The following MICAL3 variants were observed in gnomAD, a reference collection of about 807,000 sequenced individuals.
The protein encoded by MICAL3 is microtubule associated monooxygenase, calponin and LIM domain containing 3.
In MICAL3, 62 loss-of-function variants were observed where a neutral mutation model predicts 207.4. The observed-to-expected ratio is 0.30, with a 90% confidence interval of 0.24 to 0.37. The LOEUF is 0.37. Ranked by LOEUF, MICAL3 falls within the 10% of genes least tolerant of loss-of-function variation. MICAL3 has a pLI of 1.00. For missense variants in MICAL3, 2,368 were observed against 2,635.6 expected, an observed-to-expected ratio of 0.90 and a Z score of 2.22; for synonymous variants, 1,077 against 1,069.3, an observed-to-expected ratio of 1.01 and a Z score of -0.14.
chr22:17,875,791 G>T (rs1928269645), intron 16 of MICAL3, among the ~76,000 whole-genome samples: 1 of 151,824 alleles, frequency 6.6e-6, no homozygotes, highest in East Asian at 1.9e-4. Flanking sequence ...AGCACACCCT[G>T]GAACGCGGTC....
At chr22:17,879,354 G>A in intron 16 of MICAL3, 2 of 1,610,438 alleles carry the variant, frequency 1.2e-6, no homozygotes. Context: ...ACCCTCTCAT[G>A]GTGGGGGCTC....
rs759042299 is a variant in MICAL3, at chr22:17,832,058, G to GCTC, written c.2848_2850dup (p.Glu950dup). 5.6e-6 allele frequency: 9 copies of GCTC among 1,593,976 alleles called. No homozygotes were observed. Among genetic ancestry groups the GCTC allele is most frequent in the African/African-American group, 2.7e-5 (2 of 74,006 alleles). ...CCCAGGTCAGATGGGGGCAGGCGAG[G>GCTC]CTCCTCCTCCTCCTCCTCTCCCTCC... On this transcript the variant is annotated inframe_insertion, in exon 21 of 32. Transcript: ENST00000441493.
intron 22 of MICAL3, among the ~76,000 whole-genome samples, chr22:17,825,920 A>G (rs1415625909): frequency 6.6e-6 from 1 of 152,186 alleles, no homozygotes; most frequent in Non-Finnish European, 1.5e-5. Context: ...AGACGCCTGC[A>G]GCTCGGGCTG....
chr22:17,834,434 A>C lies in MICAL3; in HGVS notation c.2802-2327T>G, dbSNP rs1323653442. The C allele has an allele frequency of 2.3e-6, 3 of 1,286,144 alleles. No homozygotes were observed. In the Admixed American group the frequency reaches 7.0e-5, roughly 30 times the overall value. The allele number at this position is 1,286,144 out of a possible 1,614,324, so 79.7% of individuals were successfully genotyped here. On this transcript the variant is annotated intron_variant, in intron 20 of 31. Transcript: ENST00000441493. ...TGACACAGAAAAGACTCTTATGCTCAGCTGGGCCCAGTAGCTCACATCTGT... is the reference window on the plus strand; with the variant it reads ...TGACACAGAAAAGACTCTTATGCTCCGCTGGGCCCAGTAGCTCACATCTGT...
At position 17,790,631 on chromosome 22, in the gene MICAL3, C is replaced by T. The variant is rs2061815818; in HGVS notation, c.*101G>A. 3.6e-6 allele frequency: 4 copies of T among 1,114,490 alleles called. No homozygotes were observed. The African/African-American group carries it at 4.7e-5, about 13-fold the overall frequency. The allele number at this position is 1,114,490 out of a possible 1,614,324, so 69.0% of individuals were successfully genotyped here. A position where few individuals can be genotyped will look rare whatever the true frequency, so the allele number is the denominator to read the frequency against. ...CACACGGGCATCTGAGCGTAAACTC[C>T]AAGGAGGTGCCAGGCCTCCTCAGAT... On this transcript the variant is annotated 3_prime_UTR_variant, in exon 32 of 32. Transcript: ENST00000441493.
At chr22:17,953,194 A>G (rs1234630924) in intron 1 of MICAL3, among the ~76,000 whole-genome samples, 1 of 152,206 alleles carries the variant, frequency 6.6e-6, no homozygotes, top group Non-Finnish European at 1.5e-5. Context: ...CTGAAAGCAG[A>G]CAGTAACATT....
intron 1 of MICAL3, among the ~76,000 whole-genome samples, chr22:17,941,237 C>CCT (rs1405290568): frequency 6.6e-6 from 1 of 152,168 alleles, no homozygotes; most frequent in Non-Finnish European, 1.5e-5. Context: ...TCAAAAGACC[C>CCT]CTGCCCAAAG....
At chr22:17,960,250 A>C (rs1223553241) in intron 1 of MICAL3, among the ~76,000 whole-genome samples, 1 of 97,894 alleles carries the variant, frequency 1.0e-5, no homozygotes, top group African/African-American at 3.5e-5. Flanking sequence ...CGTGCTAGGC[A>C]GTGAGCTCAC....
chr22:17,825,728 T>C (rs1275525789), intron 22 of MICAL3, among the ~76,000 whole-genome samples: 1 of 152,132 alleles, frequency 6.6e-6, no homozygotes, highest in Non-Finnish European at 1.5e-5. Context: ...ATTTTTGGTG[T>C]CTTCATAGGT....
intron 1 of MICAL3, among the ~76,000 whole-genome samples, chr22:17,923,243 C>T (rs963992957): frequency 6.6e-6 from 1 of 152,184 alleles, no homozygotes; most frequent in Non-Finnish European, 1.5e-5. Context: ...ACTTATGCAC[C>T]CCTTGCCCTA....
At chr22:17,945,239 C>T (rs375921668) in intron 1 of MICAL3, among the ~76,000 whole-genome samples, 2 of 152,144 alleles carry the variant, frequency 1.3e-5, no homozygotes, top group South Asian at 4.1e-4. Flanking sequence ...TTTCTTTCCC[C>T]ATTTCAGCCT....
Position 17,950,877 on chromosome 22 carries a change from G to A in MICAL3, c.-74-43991C>T, listed in dbSNP as rs148940722. ...TCAGAGGCTAAAGCCATGAACTCTG[G>A]CACACCACAGCCTCTCGCCAAAGAA... On this transcript the variant is annotated intron_variant, in intron 1 of 31. Coordinates refer to ENST00000441493, the MANE Select transcript of MICAL3 (RefSeq NM_015241.3). 1.9e-3 allele frequency among the ~76,000 whole-genome samples: 291 copies of A among 152,302 alleles called. 5 individuals are homozygous for A. The East Asian group carries it at 0.03, about 16-fold the overall frequency.
rs535816751 is a variant in MICAL3, at chr22:18,000,150, T to C, written c.-75+24131A>G. Among the ~76,000 whole-genome samples the C allele has an allele frequency of 5.9e-5, 9 of 152,110 alleles. No homozygotes were observed. In the East Asian group the frequency reaches 7.7e-4, roughly 13 times the overall value. On this transcript the variant is annotated intron_variant, in intron 1 of 31. Coordinates refer to ENST00000441493, the MANE Select transcript of MICAL3 (RefSeq NM_015241.3). Reference sequence around the variant, plus strand: ...ATCCCTGGAGTACAACGACTGTCTATGGAGCAAAGTGTCAGATGGGACCAA... The same window carrying C: ...ATCCCTGGAGTACAACGACTGTCTACGGAGCAAAGTGTCAGATGGGACCAA...
At chr22:17,908,446 TACA>T (rs1358433546) in intron 1 of MICAL3, among the ~76,000 whole-genome samples, 6 of 152,228 alleles carry the variant, frequency 3.9e-5, no homozygotes, top group African/African-American at 1.4e-4. Flanking sequence ...TAGCTGGGAC[TACA>T]GGCACCCGCC....
intron 1 of MICAL3, among the ~76,000 whole-genome samples, chr22:18,009,245 T>C (rs1238617989): frequency 4.1e-5 from 6 of 144,938 alleles, no homozygotes; most frequent in Admixed American, 1.4e-4. Flanking sequence ...GCCTGGATTC[T>C]TGAAAGTCTC....
At position 17,896,753 on chromosome 22, in the gene MICAL3, C is replaced by T. The variant is rs368523959; in HGVS notation, c.1177G>A (p.Val393Met). 1.2e-5 allele frequency: 19 copies of T among 1,613,798 alleles called. No homozygotes were observed. The highest frequency in any genetic ancestry group is 1.5e-5 in the Non-Finnish European group (18 of 1,179,900). The stretch of plus-strand genomic sequence containing the variant: ...AGGAGGCTGTCCCCGACCAGAGCCA[C>T]TAGTAACTGGTGTCCGTTCTGCTCC... The part of the protein sequence containing the change: ...VREQNGHQLL[V>M]ALVGDSLLEP... Residue 393 changes from valine (V) to methionine (M), a missense_variant, in exon 8 of 32, where the codon GTG becomes ATG. Coordinates refer to ENST00000441493, the MANE Select transcript of MICAL3 (RefSeq NM_015241.3).
At chr22:17,857,481 G>C (rs1480747711) in intron 19 of MICAL3, among the ~76,000 whole-genome samples, 1 of 152,342 alleles carries the variant, frequency 6.6e-6, no homozygotes, top group African/African-American at 2.4e-5. Flanking sequence ...CAAGGTTGGG[G>C]AACACGGCCT....
rs1357392692 is a variant in MICAL3, at chr22:17,793,324, A to G, written c.5651-2023T>C. Among the ~76,000 whole-genome samples the G allele has an allele frequency of 6.6e-6, 1 of 152,194 alleles. No individual in the cohort carries two copies. The highest frequency in any genetic ancestry group is 1.5e-5 in the Non-Finnish European group (1 of 68,020). ...CAGTGGTTGTTTGGAAAGGGGCCCG[A>G]GGGCACTGGTGTAGATCAGTCTTTG... On this transcript the variant is annotated intron_variant, in intron 29 of 31. Transcript: ENST00000441493. The surrounding 1 kb of genome is among the most constrained non-coding windows in gnomAD (Gnocchi z 4.1).
intron 16 of MICAL3, among the ~76,000 whole-genome samples, chr22:17,882,201 G>A (rs544015883): frequency 1.3e-5 from 2 of 152,208 alleles, no homozygotes; most frequent in Non-Finnish European, 2.9e-5. Flanking sequence ...CAAAAGGGTG[G>A]GGAAGGGAAG....
Sources: gnomAD v4.1 joint callset for allele counts (sites outside exome capture counted in the v4.1 genomes callset) on GRCh38, gnomAD v4.1.1 for gene constraint, Gnocchi (gnomAD v3.1) non-coding constraint, MANE v1.5 for transcripts, NCBI Gene and HGNC (gene_info 2026-07-23, HGNC 2026-07-21) for gene names.